Variants in WNT16 observed in about 807,000 individuals in gnomAD.
The protein encoded by WNT16 is Wnt family member 16.
WNT16 carries 20 observed loss-of-function variants against 35.4 expected under a neutral mutation model. The ratio of observed to expected loss-of-function variants is 0.56; its 90% CI spans 0.40 to 0.82. The LOEUF (loss-of-function observed/expected upper bound fraction) is 0.82, where lower values mean the gene tolerates loss of function less well. WNT16 is among the 40% of genes least tolerant of loss of function. The pLI, the probability that WNT16 is intolerant of heterozygous loss-of-function variation, is 0.00. For synonymous variants in WNT16, 180 were observed against 179.2 expected, an observed-to-expected ratio of 1.00 and a Z score of -0.03; for missense variants, 461 against 466.0, an observed-to-expected ratio of 0.99 and a Z score of 0.10.
chr7:121,336,095 C>T (rs114340664), intron 3 of WNT16, among the ~76,000 whole-genome samples: 2,013 of 149,844 alleles, frequency 0.013, 49 homozygotes, highest in African/African-American at 0.047. Flanking sequence ...TATTCTAATT[C>T]CAGATTGTCC....
At chr7:121,328,970 G>T (rs774279400), upstream of WNT16, 28 of 1,059,658 alleles carry the variant, frequency 2.6e-5, no homozygotes, top group Non-Finnish European at 3.1e-5. Flanking sequence ...TGGGAGGAGA[G>T]GCCGGGGGCG....
At position 121,331,753 on chromosome 7, in the gene WNT16, C is replaced by T. The variant is rs1465219672; in HGVS notation, c.422C>T (p.Ala141Val). The T allele has an allele frequency of 6.2e-7, 1 of 1,614,172 alleles. No individual in the cohort carries two copies. The highest frequency in any genetic ancestry group is 1.1e-5 in the South Asian group (1 of 91,078). ...LVHSVTRSCS[A>V]GNMTECSCDT... ...CATTCTGTGACCAGGTCATGCAGTG[C>T]AGGCAACATGACAGAGTGTTCCTGT... The change falls in exon 3 of 4, where the codon GCA becomes GTA. Residue 141 changes from alanine to valine, a missense_variant. Ala to Val is a moderately conservative substitution (Grantham distance 64). Coordinates refer to ENST00000222462, the MANE Select transcript of WNT16 (RefSeq NM_057168.2).
rs1440762993 is a variant in WNT16 at position 121,340,860 on chromosome 7, T to C, written c.*1515T>C. ...ATTTTAATGTAAATGCTTATGTTTT[T>C]TATGAATTGTTAAATATTTCAGTAT... On this transcript the variant is annotated 3_prime_UTR_variant, in exon 4 of 4. Coordinates refer to ENST00000222462, the MANE Select transcript of WNT16 (RefSeq NM_057168.2). 1 of 152,132 alleles carries C rather than the reference T, an allele frequency of 6.6e-6. No individual in the cohort carries two copies. The highest frequency in any genetic ancestry group is 1.5e-5 in the Non-Finnish European group (1 of 67,984). 9.4% of individuals were successfully genotyped at this position (152,132 alleles called of 1,614,324 possible).
rs1793291791 is a variant in WNT16, at chr7:121,329,133, G to T, written c.-160G>T. On this transcript the variant is annotated 5_prime_UTR_variant, in exon 1 of 4. Coordinates refer to ENST00000222462, the MANE Select transcript of WNT16 (RefSeq NM_057168.2). ...GCTCCCTGCAAACGAGGGGGAAGCTGCTGAGAGTCCCTATCACTGCTGGCC... is the reference window on the plus strand; with the variant it reads ...GCTCCCTGCAAACGAGGGGGAAGCTTCTGAGAGTCCCTATCACTGCTGGCC... 2 of 1,386,890 alleles carry T rather than the reference G, an allele frequency of 1.4e-6. No individual in the cohort carries two copies. Among genetic ancestry groups the T allele is most frequent in the Admixed American group, 3.0e-5 (1 of 33,692 alleles). 85.9% of individuals were successfully genotyped at this position (1,386,890 alleles called of 1,614,324 possible).
rs762777082 is a variant in WNT16 at position 121,331,970 on chromosome 7, T to C, written c.633+6T>C. ...ACAATGAAGCTGGAAGGCAGGTATGTATTAGAAAATGGAATAATCAAAACC... is the reference window on the plus strand; with the variant it reads ...ACAATGAAGCTGGAAGGCAGGTATGCATTAGAAAATGGAATAATCAAAACC... On this transcript the variant is annotated splice_donor_region_variant and intron_variant, in intron 3 of 3. Coordinates refer to ENST00000222462, the MANE Select transcript of WNT16 (RefSeq NM_057168.2). The C allele has an allele frequency of 8.1e-6, 13 of 1,612,774 alleles. No homozygotes were observed. Among genetic ancestry groups the C allele is most frequent in the South Asian group, 1.1e-5 (1 of 91,038 alleles).
chr7:121,333,910 A>C (rs759064882), intron 3 of WNT16, among the ~76,000 whole-genome samples: 12 of 151,948 alleles, frequency 7.9e-5, no homozygotes, highest in Non-Finnish European at 1.6e-4. Flanking sequence ...ATTCTAAAAT[A>C]TATTTTTATT....
In WNT16 at chr7:121,339,289, T is replaced by C; in HGVS notation, c.1042T>C (p.Cys348Arg). The C allele has an allele frequency of 6.2e-7, 1 of 1,614,112 alleles. No homozygotes were observed. The highest frequency in any genetic ancestry group is 1.3e-5 in the African/African-American group (1 of 75,054). The change falls in exon 4 of 4, where the codon TGC becomes CGC. Residue 348 changes from cysteine (C) to arginine (R), a missense_variant. By Grantham distance (180) the Cys-to-Arg change is radical. Coordinates refer to ENST00000222462, the MANE Select transcript of WNT16 (RefSeq NM_057168.2). ...GTGTGAGTGTAAGTTCATCTGGTGC[T>C]GCTATGTCCGTTGCAGGAGGTGTGA... ...ERCECKFIWC[C>R]YVRCRRCESM...
Position 121,329,708 on chromosome 7 carries a change from G to A in WNT16, c.237G>A (p.Gln79=), listed in dbSNP as rs1365616230. The A allele has an allele frequency of 6.2e-7, 1 of 1,613,522 alleles. No homozygotes were observed. The highest frequency in any genetic ancestry group is 8.5e-7 in the Non-Finnish European group (1 of 1,179,886). The change falls in exon 2 of 4, where the codon CAG becomes CAA. Residue 79 remains glutamine (Q), a synonymous_variant. Coordinates refer to ENST00000222462, the MANE Select transcript of WNT16 (RefSeq NM_057168.2). ...SIREGARLGI[Q]ECGSQFRHER... ...GAGAGGGCGCCCGGCTGGGCATTCA[G>A]GAGTGCGGGAGCCAGTTCAGACACG...
chr7:121,325,658 T>A (rs1793233657), upstream of WNT16, among the ~76,000 whole-genome samples: 1 of 150,096 alleles, frequency 6.7e-6, no homozygotes, highest in South Asian at 2.2e-4. Flanking sequence ...TACATATATA[T>A]ATATATAACA....
chr7:121,334,194 T>G (rs1235372626), intron 3 of WNT16, among the ~76,000 whole-genome samples: 2 of 152,082 alleles, frequency 1.3e-5, no homozygotes, highest in Non-Finnish European at 2.9e-5. Flanking sequence ...AATCTCTGAG[T>G]TTTCTCTCCT....
chr7:121,330,038 G>T (rs1793313855), intron 2 of WNT16, among the ~76,000 whole-genome samples: 1 of 152,228 alleles, frequency 6.6e-6, no homozygotes, highest in Admixed American at 6.5e-5. Context: ...GAGCTCTAGG[G>T]GCTGGAGCTC....
chr7:121,330,842 C>T (rs1365892391), intron 2 of WNT16, among the ~76,000 whole-genome samples: 1 of 145,878 alleles, frequency 6.9e-6, no homozygotes, highest in East Asian at 1.9e-4. Flanking sequence ...CTACTCCAAA[C>T]TAAACATCTG....
chr7:121,332,507 TA>T (rs1793367252), intron 3 of WNT16, among the ~76,000 whole-genome samples: 1 of 152,206 alleles, frequency 6.6e-6, no homozygotes, highest in Non-Finnish European at 1.5e-5. Flanking sequence ...TCTGCCTTTC[TA>T]ATAGAACTGA....
intron 3 of WNT16, among the ~76,000 whole-genome samples, chr7:121,334,481 T>C (rs758777395): frequency 6.6e-6 from 1 of 152,138 alleles, no homozygotes; most frequent in Non-Finnish European, 1.5e-5. Context: ...CAACTCAATT[T>C]TTTCAACATT....
chr7:121,329,674 C>A lies in WNT16; in HGVS notation c.203C>A (p.Pro68Gln), dbSNP rs777334222. 1 of 1,614,066 alleles carries A rather than the reference C, an allele frequency of 6.2e-7. No homozygotes were observed. Among genetic ancestry groups the A allele is most frequent in the South Asian group, 1.1e-5 (1 of 91,086 alleles). The change falls in exon 2 of 4, where the codon CCG becomes CAG. Residue 68 changes from proline to glutamine, a missense_variant. By Grantham distance (76) the Pro-to-Gln change is moderately conservative. Transcript: ENST00000222462. The part of the protein sequence containing the change: ...ELCKRKPYLL[P>Q]SIREGARLGI... ...TGCAAGAGGAAACCGTACCTGCTGC[C>A]GAGCATCCGAGAGGGCGCCCGGCTG...
At chr7:121,336,515 T>C (rs1584679288) in intron 3 of WNT16, among the ~76,000 whole-genome samples, 1 of 152,166 alleles carries the variant, frequency 6.6e-6, no homozygotes, top group South Asian at 2.1e-4. Context: ...GTCTCTCTTT[T>C]TATCCTTCAT....
chr7:121,328,482 AG>A (rs1397997723), upstream of WNT16, among the ~76,000 whole-genome samples: 2 of 152,224 alleles, frequency 1.3e-5, no homozygotes, highest in Non-Finnish European at 2.9e-5. Context: ...AGTGATTGTA[AG>A]CCTGACAGCA....
chr7:121,334,203 C>T (rs141466096), intron 3 of WNT16, among the ~76,000 whole-genome samples: 2 of 151,856 alleles, frequency 1.3e-5, no homozygotes, highest in Non-Finnish European at 1.5e-5. Flanking sequence ...GTTTTCTCTC[C>T]TGAATCATTT....
chr7:121,328,921 T>A, upstream of WNT16: 1 of 605,434 alleles, frequency 1.7e-6, no homozygotes, highest in Non-Finnish European at 2.1e-6. Context: ...GGGCCGCTGC[T>A]CAGCCAATCA....
Sources: gnomAD v4.1 joint callset for allele counts (sites outside exome capture counted in the v4.1 genomes callset) on GRCh38, gnomAD v4.1.1 for gene constraint, MANE v1.5 for transcripts, NCBI Gene and HGNC (gene_info 2026-07-23, HGNC 2026-07-21) for gene names.